Variants in SHPK observed in about 807,000 individuals in gnomAD.
SHPK encodes carbohydrate kinase-like protein.
A neutral mutation model predicts 46.3 loss-of-function variants in SHPK; 51 were observed. That is an observed-to-expected ratio of 1.10 (90% CI 0.88 to 1.39). The LOEUF is 1.39. Ranked by LOEUF, SHPK falls within the 40% of genes most tolerant of loss-of-function variation. The pLI, the probability that SHPK is intolerant of heterozygous loss-of-function variation, is 0.00. For missense variants in SHPK, 668 were observed against 641.3 expected (o/e 1.04, Z -0.45); for synonymous variants, 290 against 273.9 (o/e 1.06, Z -0.58).
In SHPK at chr17:3,636,204, T is replaced by C; in HGVS notation, c.16A>G (p.Ile6Val). ...GTGCCCAGGTCAATGCCGAGGGTGA[T>C]CGGCCGCGCAGCCATTATCTCCCTG... MAARP[I>V]TLGIDLGTTS... The change falls in exon 1 of 7, where the codon ATC (isoleucine) becomes GTC (valine). Residue 6 changes from isoleucine to valine, a missense_variant. Physicochemically the swap from Ile to Val is conservative, Grantham distance 29. Transcript: ENST00000225519. 6.2e-7 allele frequency: 1 copy of C among 1,604,410 alleles called. No individual in the cohort carries two copies. Among genetic ancestry groups the C allele is most frequent in the South Asian group, 1.1e-5 (1 of 90,450 alleles).
intron 6 of SHPK, among the ~76,000 whole-genome samples, chr17:3,612,559 T>C (rs1407422758): frequency 1.3e-5 from 2 of 152,150 alleles, no homozygotes; most frequent in East Asian, 3.8e-4. Context: ...TCAGGGTTTC[T>C]TGAGAGCACT....
At chr17:3,614,172 A>C (rs750446976) in intron 6 of SHPK, among the ~76,000 whole-genome samples, 6 of 152,208 alleles carry the variant, frequency 3.9e-5, no homozygotes, top group African/African-American at 9.6e-5. Context: ...ACTCAGGGAC[A>C]CAGCTGGGAA....
At chr17:3,620,553 A>C (rs1293499905) in intron 5 of SHPK, among the ~76,000 whole-genome samples, 1 of 150,922 alleles carries the variant, frequency 6.6e-6, no homozygotes, top group Non-Finnish European at 1.5e-5. Context: ...GGCATGAGCC[A>C]CTGCGCCCGG....
intron 5 of SHPK, among the ~76,000 whole-genome samples, chr17:3,617,200 G>C (rs910871122): frequency 6.6e-6 from 1 of 152,076 alleles, no homozygotes; most frequent in Admixed American, 6.6e-5. Flanking sequence ...ATCTGGTGTC[G>C]TAAGTGGGAT....
intron 1 of SHPK, 41 bp downstream of exon 1, chr17:3,636,011 G>A (rs1417800344): frequency 1.3e-6 from 2 of 1,501,138 alleles, no homozygotes; most frequent in South Asian, 1.3e-5. Flanking sequence ...GGGTGGTCAG[G>A]AGGCTCCTGG....
chr17:3,623,590 C>G (rs1006475927), intron 3 of SHPK, 99 bp from the exon 4 acceptor site: 85 of 1,234,040 alleles, frequency 6.9e-5, no homozygotes, highest in Non-Finnish European at 1.0e-4. Context: ...GTGCCATGGC[C>G]AGGTGGCAGC....
At chr17:3,623,861 A>G (rs2075417138) in intron 3 of SHPK, among the ~76,000 whole-genome samples, 187 bp downstream of exon 3, 1 of 152,092 alleles carries the variant, frequency 6.6e-6, no homozygotes, top group Non-Finnish European at 1.5e-5. Flanking sequence ...TGGATAACCA[A>G]TAGAGAGCCC....
intron 2 of SHPK, among the ~76,000 whole-genome samples, chr17:3,627,438 T>C (rs2075444897): frequency 6.6e-6 from 1 of 151,876 alleles, no homozygotes; most frequent in African/African-American, 2.4e-5. Context: ...TTTTGGAAGG[T>C]AGAGGCTGCA....
At chr17:3,634,465 G>C (rs2075493294) in intron 1 of SHPK, among the ~76,000 whole-genome samples, 1 of 151,240 alleles carries the variant, frequency 6.6e-6, no homozygotes, top group African/African-American at 2.4e-5. Flanking sequence ...CCAGCTACTC[G>C]GGAAACTGAG....
intron 6 of SHPK, 22 bp downstream of exon 6, chr17:3,615,315 C>A (rs370963928): frequency 1.2e-6 from 2 of 1,611,012 alleles, no homozygotes; most frequent in Admixed American, 1.7e-5. Flanking sequence ...GAGAACACAG[C>A]GCTGTGTGGG....
chr17:3,636,245 G>A lies in SHPK; in HGVS notation c.-26C>T. Reference sequence around the variant, plus strand: ...TATCTCCCTGACCCGCGCAGCTCCAGTCTGCAGCCAGCGGCCCCACAAGTC... The same window carrying A: ...TATCTCCCTGACCCGCGCAGCTCCAATCTGCAGCCAGCGGCCCCACAAGTC... On this transcript the variant is annotated 5_prime_UTR_variant, in exon 1 of 7. Transcript: ENST00000225519. The A allele has an allele frequency of 6.3e-7, 1 of 1,576,854 alleles. No homozygotes were observed.
At chr17:3,632,869 A>G (rs548584776) in intron 1 of SHPK, among the ~76,000 whole-genome samples, 2 of 152,218 alleles carry the variant, frequency 1.3e-5, no homozygotes, top group South Asian at 4.1e-4. Flanking sequence ...GCAAATACCA[A>G]AAACTGATTG....
rs1218123716 is a variant in SHPK, at chr17:3,615,382, G to C, written c.979C>G (p.Leu327Val). Reference sequence around the variant, plus strand: ...ACCAGCATGTGGACGAACGTGGCCAGCACATTGCCCCCGTTGAGTGACGCG... The same window carrying C: ...ACCAGCATGTGGACGAACGTGGCCACCACATTGCCCCCGTTGAGTGACGCG... The part of the protein sequence containing the change: ...VAASLNGGNV[L>V]ATFVHMLVQW... The change falls in exon 6 of 7, where the codon CTG becomes GTG. Residue 327 changes from leucine (L) to valine (V), a missense_variant. Physicochemically the swap from Leu to Val is conservative, Grantham distance 32. Transcript: ENST00000225519. The C allele has an allele frequency of 1.8e-5, 29 of 1,614,246 alleles. No homozygotes were observed. The highest frequency in any genetic ancestry group is 2.5e-5 in the Non-Finnish European group (29 of 1,180,042).
In SHPK at chr17:3,610,764, G is replaced by A. The variant is rs1479109543; in HGVS notation, c.1233C>T (p.His411=). 6 of 1,614,124 alleles carry A rather than the reference G, an allele frequency of 3.7e-6. No individual in the cohort carries two copies. The highest frequency in any genetic ancestry group is 5.1e-6 in the Non-Finnish European group (6 of 1,179,980). ...GGAGCTGCTGAATCGGAAGCATGGA[G>A]TGCAGGTTCTGAACAATGCCTCGGC... ...ALCRGIVQNL[H]SMLPIQQLQE... is the part of the protein sequence containing the mutation. The change falls in exon 7 of 7, where the codon CAC becomes CAT. Residue 411 remains histidine (H), a synonymous_variant. Coordinates refer to ENST00000225519, the MANE Select transcript of SHPK (RefSeq NM_013276.4).
Position 3,621,315 on chromosome 17 carries a change from T to C in SHPK, c.745A>G (p.Lys249Glu), listed in dbSNP as rs1349767584. The C allele has an allele frequency of 7.4e-6, 12 of 1,613,958 alleles. No individual in the cohort carries two copies. Among genetic ancestry groups the C allele is most frequent in the Non-Finnish European group, 1.0e-5 (12 of 1,179,996 alleles). ...AAGGCCACTCCCACCTGCGTCCCCTTTGGGATTTCAAACCACATGTGGGAA... is the reference window on the plus strand; with the variant it reads ...AAGGCCACTCCCACCTGCGTCCCCTCTGGGATTTCAAACCACATGTGGGAA... ...RTSHMWFEIP[K>E]GTQVGVALGD... The change falls in exon 5 of 7, where the codon AAG becomes GAG. Residue 249 changes from lysine to glutamate, a missense_variant. Lys to Glu is a moderately conservative substitution (Grantham distance 56). Transcript: ENST00000225519.
At chr17:3,615,933 C>T (rs1004196033) in intron 5 of SHPK, among the ~76,000 whole-genome samples, 10 of 148,494 alleles carry the variant, frequency 6.7e-5, no homozygotes, top group African/African-American at 2.5e-4. Flanking sequence ...TGGCTCACTA[C>T]AACCTCCACC....
chr17:3,623,684 G>C (rs983634419), intron 3 of SHPK, among the ~76,000 whole-genome samples, 193 bp from the exon 4 acceptor site: 1 of 152,186 alleles, frequency 6.6e-6, no homozygotes, highest in East Asian at 1.9e-4. Flanking sequence ...GCCAGCCTAA[G>C]TCAGCCCCAG....
At chr17:3,623,245 C>A in intron 4 of SHPK, 94 bp downstream of exon 4, 1 of 1,430,524 alleles carries the variant, frequency 7.0e-7, no homozygotes, top group Admixed American at 1.7e-5. Context: ...CCCTCCACCA[C>A]TCCCAGATGG....
rs559787862 is a variant in SHPK, at chr17:3,625,795, A to G, written c.311-1564T>C. ...TGGTCAGGCACGGTGGCTCACGCCT[A>G]TAATCCCAGCACTTCGGGAGGCCAA... On this transcript the variant is annotated intron_variant, in intron 2 of 6. Coordinates refer to ENST00000225519, the MANE Select transcript of SHPK (RefSeq NM_013276.4). 5.6e-4 allele frequency among the ~76,000 whole-genome samples: 85 copies of G among 152,262 alleles called. 1 individual carries two copies. The South Asian group carries it at 0.013, about 23-fold the overall frequency.
Sources: gnomAD v4.1 joint callset for allele counts (sites outside exome capture counted in the v4.1 genomes callset) on GRCh38, gnomAD v4.1.1 for gene constraint, MANE v1.5 for transcripts, NCBI Gene and HGNC (gene_info 2026-07-23, HGNC 2026-07-21) for gene names.